PCDHGA3: variants seen among roughly 807,000 people sequenced by gnomAD.
The protein encoded by PCDHGA3 is protocadherin gamma-A3.
A neutral mutation model predicts 58.5 loss-of-function variants in PCDHGA3; 40 were observed. The ratio of observed to expected loss-of-function variants is 0.68; its 90% CI spans 0.53 to 0.89. The LOEUF (loss-of-function observed/expected upper bound fraction) is 0.89, where lower values mean the gene tolerates loss of function less well. PCDHGA3 is among the 40% of genes least tolerant of loss of function. PCDHGA3 has a pLI of 0.00. For missense variants in PCDHGA3, 1,223 were observed against 1,195.9 expected, an observed-to-expected ratio of 1.02 and a Z score of -0.33; for synonymous variants, 530 against 525.7, an observed-to-expected ratio of 1.01 and a Z score of -0.11.
intron 1 of PCDHGA3, among the ~76,000 whole-genome samples, chr5:141,400,831 C>CT (rs1457237248): frequency 1.3e-5 from 2 of 152,146 alleles, no homozygotes; most frequent in Admixed American, 6.5e-5. Flanking sequence ...TTGTCTCATT[C>CT]TTTAACATGT....
rs1230717990 is a variant in PCDHGA3, at chr5:141,431,707, G to A, written c.2425-63100G>A. The A allele has an allele frequency of 6.2e-7, 1 of 1,614,232 alleles. No homozygotes were observed. Among genetic ancestry groups the A allele is most frequent in the South Asian group, 1.1e-5 (1 of 91,088 alleles). On this transcript the variant is annotated intron_variant, in intron 1 of 3. Coordinates refer to ENST00000253812, the MANE Select transcript of PCDHGA3 (RefSeq NM_018916.4). This position sits in a 1 kb window ranked among gnomAD's most constrained non-coding sequence, Gnocchi z 4.8. ...ACCACGAGGAGTCAGGATTCTACCAGATGGAAGTGCAAGCAATGGATAATG... is the reference window on the plus strand; with the variant it reads ...ACCACGAGGAGTCAGGATTCTACCAAATGGAAGTGCAAGCAATGGATAATG...
intron 1 of PCDHGA3, chr5:141,418,301 C>T: frequency 6.2e-7 from 1 of 1,613,980 alleles, no homozygotes; most frequent in South Asian, 1.1e-5. Context: ...ATCCGTCAGC[C>T]TGGGGATGGG....
chr5:141,345,144 G>C lies in PCDHGA3; in HGVS notation c.1111G>C (p.Val371Leu). The change falls in exon 1 of 4, where the codon GTG becomes CTG. Residue 371 changes from valine to leucine, a missense_variant. This residue lies in a region of PCDHGA3 where 791 missense variants were observed against 708.5 expected (regional missense o/e 1.12). Transcript: ENST00000253812. Reference protein sequence around the residue: ...TVGREIALIDVHDRDSGQNGQ... With the variant: ...TVGREIALIDLHDRDSGQNGQ... ...TGGAAGAGAAATTGCTCTTATCGAC[G>C]TGCATGACCGAGATTCTGGGCAGAA... is the stretch of plus-strand genomic sequence containing the variant. 1 of 1,613,994 alleles carries C rather than the reference G, an allele frequency of 6.2e-7. No individual in the cohort carries two copies. Among genetic ancestry groups the C allele is most frequent in the Non-Finnish European group, 8.5e-7 (1 of 1,179,888 alleles).
chr5:141,350,227 C>G (rs1433950900), intron 1 of PCDHGA3: 2 of 1,496,214 alleles, frequency 1.3e-6, no homozygotes, highest in East Asian at 2.3e-5. Context: ...GAAAAACATC[C>G]CAGAGGAAAG....
chr5:141,409,018 G>A (rs369210340), intron 1 of PCDHGA3: 31 of 1,613,814 alleles, frequency 1.9e-5, no homozygotes, highest in Non-Finnish European at 2.5e-5. Context: ...AGGATGAGGG[G>A]GTCAATGCTG....
intron 1 of PCDHGA3, among the ~76,000 whole-genome samples, chr5:141,448,434 G>A (rs2098588755): frequency 1.3e-5 from 2 of 152,052 alleles, no homozygotes; most frequent in Non-Finnish European, 2.9e-5. Context: ...TATATATTGA[G>A]AAGTCTGACT....
At chr5:141,395,053 A>G (rs1210765378) in intron 1 of PCDHGA3, 1 of 1,614,062 alleles carries the variant, frequency 6.2e-7, no homozygotes, top group African/African-American at 1.3e-5. Flanking sequence ...GAGGAGGTAC[A>G]GGCTTTCCTG....
At chr5:141,402,458 T>C (rs886690950) in intron 1 of PCDHGA3, among the ~76,000 whole-genome samples, 2 of 152,178 alleles carry the variant, frequency 1.3e-5, no homozygotes, top group Non-Finnish European at 2.9e-5. Flanking sequence ...ATAGTTTACA[T>C]ATCTAGAAAT....
At chr5:141,372,454 A>C in intron 1 of PCDHGA3, 1 of 1,613,990 alleles carries the variant, frequency 6.2e-7, no homozygotes. Context: ...CCTCAGGCGG[A>C]GCTACAGTTT....
At chr5:141,473,548 C>A (rs1158305951) in intron 1 of PCDHGA3, among the ~76,000 whole-genome samples, 3 of 152,118 alleles carry the variant, frequency 2.0e-5, no homozygotes, top group South Asian at 2.1e-4. Context: ...TAATGGAAGA[C>A]CTCTATTAGG....
At chr5:141,362,139 G>T in intron 1 of PCDHGA3, 1 of 1,614,030 alleles carries the variant, frequency 6.2e-7, no homozygotes, top group Non-Finnish European at 8.5e-7. Context: ...CGGATAGCCT[G>T]CAAGAGGTAT....
chr5:141,390,300 T>A, intron 1 of PCDHGA3: 1 of 1,613,822 alleles, frequency 6.2e-7, no homozygotes, highest in Non-Finnish European at 8.5e-7. Flanking sequence ...CCTTTAAGTA[T>A]AATTTAATGC....
At chr5:141,389,236 C>G (rs1360916753) in intron 1 of PCDHGA3, 1 of 1,614,054 alleles carries the variant, frequency 6.2e-7, no homozygotes, top group Non-Finnish European at 8.5e-7. Context: ...CCGGTTTTCT[C>G]ACAGTCTTCC....
intron 2 of PCDHGA3, among the ~76,000 whole-genome samples, chr5:141,504,143 C>A (rs2099835975): frequency 6.6e-6 from 1 of 152,136 alleles, no homozygotes; most frequent in Non-Finnish European, 1.5e-5. Flanking sequence ...CACTCCCCTG[C>A]AAATTGAAAT....
rs1562150111 is a variant in PCDHGA3, at chr5:141,491,805, T to G, written c.2425-3002T>G. 1 of 1,495,892 alleles carries G rather than the reference T, an allele frequency of 6.7e-7. No homozygotes were observed. 92.7% of individuals were successfully genotyped at this position (1,495,892 alleles called of 1,614,324 possible). A position where few individuals can be genotyped will look rare whatever the true frequency, so the allele number is the denominator to read the frequency against. On this transcript the variant is annotated intron_variant, in intron 1 of 3. Coordinates refer to ENST00000253812, the MANE Select transcript of PCDHGA3 (RefSeq NM_018916.4). This position sits in a 1 kb window ranked among gnomAD's most constrained non-coding sequence, Gnocchi z 6.9. ...TGCATCCACTCCTCTCCGGCCGGCT[T>G]GGTCGCTGGCTGCGCTCCACCCGAT... is the stretch of plus-strand genomic sequence containing the variant.
At chr5:141,405,029 C>A (rs565871444) in intron 1 of PCDHGA3, 1 of 1,613,976 alleles carries the variant, frequency 6.2e-7, no homozygotes, top group South Asian at 1.1e-5. Context: ...TACCCTCTAC[C>A]TCGTTGTGGC....
chr5:141,361,171 G>A (rs750066776), intron 1 of PCDHGA3: 49 of 1,613,824 alleles, frequency 3.0e-5, no homozygotes, highest in South Asian at 1.1e-5. Context: ...TTGTGCACCT[G>A]AAGTTATTGT....
intron 1 of PCDHGA3, among the ~76,000 whole-genome samples, chr5:141,380,518 T>A (rs1166161347): frequency 2.6e-5 from 4 of 152,254 alleles, no homozygotes; most frequent in Non-Finnish European, 5.9e-5. Context: ...CTTTAAACTA[T>A]GAAATGATTT....
At position 141,360,454 on chromosome 5, in the gene PCDHGA3, G is replaced by A. The variant is rs150944400; in HGVS notation, c.2424+13997G>A. On this transcript the variant is annotated intron_variant, in intron 1 of 3. Coordinates refer to ENST00000253812, the MANE Select transcript of PCDHGA3 (RefSeq NM_018916.4). ...GCAGCCTCTGTGTGTTCTGGATTTCGATACTGTCGCTGAAAATCCACTAAA... is the reference window on the plus strand; with the variant it reads ...GCAGCCTCTGTGTGTTCTGGATTTCAATACTGTCGCTGAAAATCCACTAAA... The A allele has an allele frequency of 5.0e-4, 804 of 1,613,904 alleles. 3 individuals carry two copies. The African/African-American group carries it at 8.7e-3, about 18-fold the overall frequency.
Sources: gnomAD v4.1 joint callset for allele counts (sites outside exome capture counted in the v4.1 genomes callset) on GRCh38, gnomAD v4.1.1 for gene constraint, gnomAD v4.1.1 regional missense constraint, Gnocchi (gnomAD v3.1) non-coding constraint, MANE v1.5 for transcripts, NCBI Gene and HGNC (gene_info 2026-07-23, HGNC 2026-07-21) for gene names.